Variants in ADCY8 observed in about 807,000 individuals in gnomAD.
The protein encoded by ADCY8 is adenylate cyclase type 8.
A neutral mutation model predicts 119.7 loss-of-function variants in ADCY8; 51 were observed. The ratio of observed to expected loss-of-function variants is 0.43; its 90% confidence interval spans 0.34 to 0.54. ADCY8 has a LOEUF of 0.54. Among genes scored for constraint, ADCY8 ranks in the 20% least tolerant of loss-of-function variants. The pLI, the probability that ADCY8 is intolerant of heterozygous loss-of-function variation, is 0.03. For missense variants in ADCY8, 1,383 were observed against 1,598.8 expected, an observed-to-expected ratio of 0.87 and a Z score of 2.30; for synonymous variants, 665 against 651.0, an observed-to-expected ratio of 1.02 and a Z score of -0.33.
intron 1 of ADCY8, among the ~76,000 whole-genome samples, chr8:131,026,615 C>T (rs1823831938): frequency 6.6e-6 from 1 of 152,076 alleles, no homozygotes; most frequent in Admixed American, 6.5e-5. Flanking sequence ...AACACAGAAC[C>T]TAGGGTCCTC....
chr8:130,791,347 A>G (rs1815420956), intron 15 of ADCY8, among the ~76,000 whole-genome samples: 1 of 152,176 alleles, frequency 6.6e-6, no homozygotes, highest in African/African-American at 2.4e-5. Context: ...GTTCCTCCCC[A>G]TTCCTGGAGA....
chr8:130,873,140 G>C (rs1030272122), intron 8 of ADCY8, among the ~76,000 whole-genome samples: 80 of 152,282 alleles, frequency 5.3e-4, no homozygotes, highest in African/African-American at 1.9e-3. Flanking sequence ...TTCCATGCCT[G>C]GGATAGTCCT....
chr8:130,992,413 A>AC lies in ADCY8; in HGVS notation c.961-1872_961-1871insG. On this transcript the variant is annotated intron_variant, in intron 1 of 17. Transcript: ENST00000286355. ...TATATATATATATATATATATATAT[A>AC]TATATATATATATATATTTGAGATA... Among the ~76,000 whole-genome samples the AC allele has an allele frequency of 2.4e-5, 3 of 125,136 alleles. 1 individual carries two copies. In the East Asian group the frequency reaches 6.3e-4, roughly 26 times the overall value. 82.1% of individuals were successfully genotyped at this position (125,136 alleles called of 152,430 possible). A position where few individuals can be genotyped will look rare whatever the true frequency, so the allele number is the denominator to read the frequency against.
intron 14 of ADCY8, among the ~76,000 whole-genome samples, chr8:130,805,464 T>C (rs1033516963): frequency 6.6e-6 from 1 of 152,196 alleles, no homozygotes; most frequent in African/African-American, 2.4e-5. Flanking sequence ...CGTTTCACAG[T>C]GGAGGGGTAA....
chr8:130,889,853 T>C (rs1012476753), intron 7 of ADCY8, among the ~76,000 whole-genome samples: 3 of 152,168 alleles, frequency 2.0e-5, no homozygotes, highest in Non-Finnish European at 4.4e-5. Flanking sequence ...CATTGAAACA[T>C]GTAGCATCTA....
At chr8:130,829,119 C>T (rs536538808) in intron 12 of ADCY8, among the ~76,000 whole-genome samples, 21 of 152,270 alleles carry the variant, frequency 1.4e-4, no homozygotes, top group African/African-American at 2.4e-4. Flanking sequence ...GTTCCATGGC[C>T]GAGGTCACGC....
At chr8:130,964,105 T>C (rs1451649163) in intron 2 of ADCY8, among the ~76,000 whole-genome samples, 1 of 152,238 alleles carries the variant, frequency 6.6e-6, no homozygotes, top group Non-Finnish European at 1.5e-5. Flanking sequence ...GTACGTCATG[T>C]AGACCTGCAT....
chr8:130,846,530 C>CCTTCCTT (rs1563689369), intron 11 of ADCY8, among the ~76,000 whole-genome samples: 16 of 131,442 alleles, frequency 1.2e-4, no homozygotes, highest in African/African-American at 5.1e-4. Context: ...CTCCCTCCCT[C>CCTTCCTT]CCTTCCTTCC....
At chr8:130,996,303 C>T (rs913449109) in intron 1 of ADCY8, among the ~76,000 whole-genome samples, 1 of 151,894 alleles carries the variant, frequency 6.6e-6, no homozygotes, top group African/African-American at 2.4e-5. Flanking sequence ...ATCAAAATCC[C>T]ATATGGAATT....
intron 8 of ADCY8, among the ~76,000 whole-genome samples, chr8:130,879,975 C>T (rs750019568): frequency 3.3e-5 from 5 of 152,072 alleles, no homozygotes; most frequent in Non-Finnish European, 4.4e-5. Flanking sequence ...CTTTCCTATG[C>T]GATTCTCGTG....
Position 131,040,345 on chromosome 8 carries a change from G to A in ADCY8, c.-12C>T. On this transcript the variant is annotated 5_prime_UTR_variant, in exon 1 of 18. Transcript: ENST00000286355. Reference sequence around the variant, plus strand: ...TCGGAGAGCTCCATGGCTCTGGGCCGCAGGGAAGGAGGCCCAGAACCTTGG... The same window carrying A: ...TCGGAGAGCTCCATGGCTCTGGGCCACAGGGAAGGAGGCCCAGAACCTTGG... 1.4e-6 allele frequency: 2 copies of A among 1,476,412 alleles called. No individual in the cohort carries two copies. The allele number at this position is 1,476,412 out of a possible 1,614,324, so 91.5% of individuals were successfully genotyped here. A position where few individuals can be genotyped will look rare whatever the true frequency, so the allele number is the denominator to read the frequency against.
intron 15 of ADCY8, among the ~76,000 whole-genome samples, chr8:130,787,710 G>T (rs1815297010): frequency 6.7e-6 from 1 of 149,652 alleles, no homozygotes; most frequent in Admixed American, 6.6e-5. Flanking sequence ...GCATGCATTT[G>T]TGTGAGTATG....
intron 2 of ADCY8, among the ~76,000 whole-genome samples, chr8:130,956,148 AAAAC>A (rs538884286): frequency 6.6e-5 from 10 of 152,314 alleles, no homozygotes; most frequent in Non-Finnish European, 1.0e-4. Flanking sequence ...CTGCCTCAAA[AAAAC>A]AAACAAACAA....
intron 6 of ADCY8, among the ~76,000 whole-genome samples, 162 bp downstream of exon 6, chr8:130,909,546 A>G (rs1486951262): frequency 6.6e-6 from 1 of 152,116 alleles, no homozygotes; most frequent in Non-Finnish European, 1.5e-5. Flanking sequence ...GCATTTTACT[A>G]GATTTTGGAA....
At chr8:130,874,261 T>C (rs1321383172) in intron 8 of ADCY8, among the ~76,000 whole-genome samples, 1 of 151,838 alleles carries the variant, frequency 6.6e-6, no homozygotes, top group Non-Finnish European at 1.5e-5. Context: ...TGAGCCGAGA[T>C]GGCACCACTG....
intron 9 of ADCY8, among the ~76,000 whole-genome samples, chr8:130,864,688 A>G (rs1021891850): frequency 6.6e-6 from 1 of 151,964 alleles, no homozygotes; most frequent in African/African-American, 2.4e-5. Context: ...GTGTTTTTAA[A>G]TTTTTATCCT....
intron 9 of ADCY8, among the ~76,000 whole-genome samples, chr8:130,855,117 CT>C (rs750380802): frequency 0.063 from 3,957 of 62,480 alleles, 81 homozygotes; most frequent in South Asian, 0.14. Context: ...CTCTCTCTCT[CT>C]TTTTTTTTTT....
intron 6 of ADCY8, among the ~76,000 whole-genome samples, chr8:130,906,293 C>A (rs901550603): frequency 6.6e-6 from 1 of 152,180 alleles, no homozygotes; most frequent in Admixed American, 6.5e-5. Context: ...GGAAGCTTAC[C>A]TTTTCTCCTA....
chr8:130,821,366 CA>C lies in ADCY8; in HGVS notation c.2729del (p.Leu910ArgfsTer31). The C allele has an allele frequency of 6.2e-7, 1 of 1,613,424 alleles. No homozygotes were observed. The highest frequency in any genetic ancestry group is 8.5e-7 in the Non-Finnish European group (1 of 1,179,512). On this transcript the variant is annotated frameshift_variant, in exon 13 of 18. Coordinates refer to ENST00000286355, the MANE Select transcript of ADCY8 (RefSeq NM_001115.3). LOFTEE classifies it high-confidence loss of function. ...VSLLLMAMFL[L>X]AVFYHGQQLE... ...CCTGCTGTCCATGGTAGAACACAGC[CA>C]GGAGGAACATGGCCATCAGTAGCAG...
Sources: gnomAD v4.1 joint callset for allele counts (sites outside exome capture counted in the v4.1 genomes callset) on GRCh38, gnomAD v4.1.1 for gene constraint, MANE v1.5 for transcripts, NCBI Gene and HGNC (gene_info 2026-07-23, HGNC 2026-07-21) for gene names.